ABHD5: variants seen among roughly 807,000 people sequenced by gnomAD.
ABHD5 encodes the protein 1-acylglycerol-3-phosphate O-acyltransferase ABHD5.
Under a neutral mutation model 44.9 loss-of-function variants are expected in ABHD5, and 30 were observed. The ratio of observed to expected loss-of-function variants is 0.67; its 90% CI spans 0.50 to 0.91. ABHD5 has a LOEUF of 0.91. ABHD5 is among the 40% of genes least tolerant of loss of function. The pLI is 0.00. For missense variants in ABHD5, 399 were observed against 423.4 expected, an observed-to-expected ratio of 0.94 and a Z score of 0.50; for synonymous variants, 167 against 147.0, an observed-to-expected ratio of 1.14 and a Z score of -0.99.
intron 4 of ABHD5, 45 bp downstream of exon 4, chr3:43,711,908 A>G (rs2084693272): frequency 6.2e-7 from 1 of 1,612,800 alleles, no homozygotes; most frequent in South Asian, 1.1e-5. Flanking sequence ...GTAAGTTATG[A>G]GAAGAGCAGA....
chr3:43,691,059 G>C lies in ABHD5; in HGVS notation c.47+20G>C. On this transcript the variant is annotated intron_variant, in intron 1 of 6. Coordinates refer to ENST00000644371, the MANE Select transcript of ABHD5 (RefSeq NM_016006.6). ...AGAGAGGTAAGCGCAGCCGGCAGGG[G>C]GCTTCGTGTGTCTCCGGCGCGCACC... is the stretch of plus-strand genomic sequence containing the variant. 4 of 1,535,750 alleles carry C rather than the reference G, an allele frequency of 2.6e-6. No homozygotes were observed. Among genetic ancestry groups the C allele is most frequent in the Non-Finnish European group, 3.5e-6 (4 of 1,140,494 alleles).
intron 3 of ABHD5, among the ~76,000 whole-genome samples, chr3:43,703,532 A>G (rs531059137): frequency 1.3e-5 from 2 of 152,276 alleles, no homozygotes; most frequent in Non-Finnish European, 2.9e-5. Flanking sequence ...CTACTCTGAG[A>G]GAGGGTCACA....
intron 5 of ABHD5, among the ~76,000 whole-genome samples, chr3:43,716,659 C>T (rs575567011): frequency 3.3e-5 from 5 of 152,142 alleles, no homozygotes; most frequent in Non-Finnish European, 7.3e-5. Context: ...AATTGCTAGG[C>T]AGTCAGGTTT....
At chr3:43,716,766 G>A (rs1184526775) in intron 5 of ABHD5, among the ~76,000 whole-genome samples, 2 of 152,110 alleles carry the variant, frequency 1.3e-5, no homozygotes, top group South Asian at 2.1e-4. Flanking sequence ...TACTCTTCAC[G>A]TACTCTTATT....
chr3:43,691,824 G>A (rs563352109), intron 1 of ABHD5, among the ~76,000 whole-genome samples: 1 of 152,304 alleles, frequency 6.6e-6, no homozygotes, highest in East Asian at 1.9e-4. Flanking sequence ...GCGCTTCTGG[G>A]ATTATTCTGG....
At chr3:43,692,128 A>G (rs1266203789) in intron 1 of ABHD5, among the ~76,000 whole-genome samples, 4 of 152,192 alleles carry the variant, frequency 2.6e-5, no homozygotes, top group Non-Finnish European at 5.9e-5. Flanking sequence ...CGTCGGTTCT[A>G]CTTCAGACGT....
intron 3 of ABHD5, among the ~76,000 whole-genome samples, chr3:43,706,909 A>G (rs1052253896): frequency 6.6e-6 from 1 of 152,258 alleles, no homozygotes; most frequent in African/African-American, 2.4e-5. Context: ...GTTCCAAGCC[A>G]TAACTACTTC....
Position 43,702,546 on chromosome 3 carries a change from T to G in ABHD5, c.465T>G (p.Gly155=), listed in dbSNP as rs1251816638. 6.2e-7 allele frequency: 1 copy of G among 1,614,078 alleles called. No individual in the cohort carries two copies. The highest frequency in any genetic ancestry group is 1.3e-5 in the African/African-American group (1 of 74,928). ...TGATCTTGCTTGGGCACAACCTAGG[T>G]GGATTCTTGGCTGCTGCTTACTCGC... The part of the protein sequence containing the change: ...DKMILLGHNL[G]GFLAAAYSLK... The change falls in exon 3 of 7, where the codon GGT becomes GGG. Residue 155 remains glycine, a synonymous_variant. Coordinates refer to ENST00000644371, the MANE Select transcript of ABHD5 (RefSeq NM_016006.6).
chr3:43,731,414 T>C (rs1455927119), intron 7 of ABHD5, among the ~76,000 whole-genome samples: 1 of 152,234 alleles, frequency 6.6e-6, no homozygotes, highest in Non-Finnish European at 1.5e-5. Flanking sequence ...ATATTCTGTT[T>C]ACTATCTTTA....
At chr3:43,732,778 T>C (rs1451002410) in intron 7 of ABHD5, among the ~76,000 whole-genome samples, 10 of 152,186 alleles carry the variant, frequency 6.6e-5, no homozygotes. Flanking sequence ...GATCTTTGCA[T>C]GGCCGCAGTC....
intron 6 of ABHD5, 125 bp downstream of exon 6, chr3:43,717,982 G>A (rs2084789122): frequency 8.0e-6 from 10 of 1,253,778 alleles, no homozygotes; most frequent in South Asian, 1.3e-5. Flanking sequence ...AGCCTCAGTC[G>A]GGGACGTGAT....
At chr3:43,710,868 T>G (rs567808056) in intron 3 of ABHD5, among the ~76,000 whole-genome samples, 3 of 152,220 alleles carry the variant, frequency 2.0e-5, no homozygotes, top group Non-Finnish European at 4.4e-5. Flanking sequence ...TTATGATGTT[T>G]AAAGCATGAT....
intron 1 of ABHD5, among the ~76,000 whole-genome samples, chr3:43,698,193 C>T (rs1053470852): frequency 1.5e-4 from 23 of 152,158 alleles, no homozygotes; most frequent in East Asian, 3.9e-4. Context: ...CTAAGAGAGA[C>T]GCCTGGGAAT....
intron 1 of ABHD5, among the ~76,000 whole-genome samples, chr3:43,694,407 T>C (rs904225252): frequency 2.0e-5 from 3 of 152,158 alleles, no homozygotes; most frequent in African/African-American, 7.2e-5. Context: ...AAAAATCATA[T>C]GGAGAGGTGA....
At chr3:43,716,893 A>T (rs952541356) in intron 5 of ABHD5, among the ~76,000 whole-genome samples, 1 of 152,082 alleles carries the variant, frequency 6.6e-6, no homozygotes, top group Non-Finnish European at 1.5e-5. Flanking sequence ...AGCAGAAGGG[A>T]CCAGGCGTGG....
rs528594531 is a variant in ABHD5, at chr3:43,730,004, G to A, written c.*30-3876G>A. On this transcript the variant is annotated intron_variant, in intron 7 of 7. Transcript: ENST00000454293. ...GAGATCAGGAAAGCTGAAGCAGGAG[G>A]TGGCATTTGAAATGAAATACTTAGA... Among the ~76,000 whole-genome samples the A allele has an allele frequency of 8.5e-5, 13 of 152,336 alleles. No homozygotes were observed. The East Asian group carries it at 1.3e-3, about 16-fold the overall frequency.
intron 3 of ABHD5, chr3:43,707,644 C>T (rs2084638241): frequency 6.6e-6 from 1 of 151,366 alleles, no homozygotes; most frequent in Non-Finnish European, 1.5e-5. Flanking sequence ...TTTTTTTTCC[C>T]CCGAGACAGT....
chr3:43,706,579 G>A (rs771190777), intron 3 of ABHD5, among the ~76,000 whole-genome samples: 9 of 151,532 alleles, frequency 5.9e-5, no homozygotes, highest in Non-Finnish European at 1.3e-4. Flanking sequence ...CAAACCTCCC[G>A]TGTAGCTAGT....
intron 3 of ABHD5, among the ~76,000 whole-genome samples, chr3:43,704,126 G>A (rs1438162394): frequency 3.6e-5 from 5 of 137,682 alleles, no homozygotes; most frequent in African/African-American, 5.5e-5. Context: ...CGCAACCTCC[G>A]TCTCCCAGGT....
Sources: allele counts gnomAD v4.1 joint callset (sites outside exome capture counted in the v4.1 genomes callset), GRCh38; gene constraint gnomAD v4.1.1; transcripts MANE v1.5; gene names NCBI Gene and HGNC (gene_info 2026-07-23, HGNC 2026-07-21).